The following NCKAP5 variants were observed in gnomAD, a reference collection of about 807,000 sequenced individuals.
NCKAP5 encodes the protein nck-associated protein 5.
A neutral mutation model predicts 167.0 loss-of-function variants in NCKAP5; 92 were observed. The observed-to-expected ratio is 0.55, with a 90% CI of 0.47 to 0.66. The LOEUF is 0.66. Among genes scored for constraint, NCKAP5 ranks in the 30% least tolerant of loss-of-function variants. NCKAP5 has a pLI of 0.00. For synonymous variants in NCKAP5, 891 were observed against 877.4 expected (o/e 1.02, Z -0.27); for missense variants, 2,378 against 2,315.0 (o/e 1.03, Z -0.56).
chr2:132,731,644 A>C (rs1691016135), intron 17 of NCKAP5, 93 bp downstream of exon 17: 3 of 1,328,860 alleles, frequency 2.3e-6, no homozygotes, highest in Non-Finnish European at 3.1e-6. Context: ...CATTTTTATC[A>C]GGCAGGTCAC....
chr2:133,303,089 A>T lies in NCKAP5; in HGVS notation c.91T>A (p.Tyr31Asn), dbSNP rs1177174622. 6.3e-7 allele frequency: 1 copy of T among 1,592,472 alleles called. No individual in the cohort carries two copies. The highest frequency in any genetic ancestry group is 1.8e-5 in the Admixed American group (1 of 56,892). Residue 31 changes from tyrosine (Y) to asparagine (N), a missense_variant, in exon 4 of 20, where the codon TAC becomes AAC. Around this residue, in one of 3 missense-constraint regions of NCKAP5, gnomAD observed 1,049 missense variants for 1,023.4 expected, o/e 1.02. Transcript: ENST00000409261. ...AGCTGAGTCAGCAGATGCTCAATGT[A>T]TTTATTGGAGTCCATGTATTCCTGC... ...SLVEYMDSNK[Y>N]IEHLLTQLEE...
chr2:133,575,422 T>TTGAC, the NCKAP5 span, among the ~76,000 whole-genome samples: 1 of 152,240 alleles, frequency 6.6e-6, no homozygotes, highest in Non-Finnish European at 1.5e-5. Flanking sequence ...ACTTATTATT[T>TTGAC]TGACTGATTA....
At chr2:133,056,913 G>A (rs991186478) in intron 6 of NCKAP5, among the ~76,000 whole-genome samples, 1 of 152,088 alleles carries the variant, frequency 6.6e-6, no homozygotes, top group Non-Finnish European at 1.5e-5. Flanking sequence ...ACAAATCAAT[G>A]GTTTGTGGCA....
At chr2:133,060,138 G>C (rs2079948486) in intron 6 of NCKAP5, among the ~76,000 whole-genome samples, 1 of 152,156 alleles carries the variant, frequency 6.6e-6, no homozygotes, top group South Asian at 2.1e-4. Context: ...GTGGGACTAG[G>C]AAAATCATCT....
intron 3 of NCKAP5, among the ~76,000 whole-genome samples, chr2:133,400,660 T>C (rs1688040187): frequency 6.6e-6 from 1 of 152,288 alleles, no homozygotes; most frequent in East Asian, 1.9e-4. Flanking sequence ...TGGCCTCCAG[T>C]GCAGTGAGAA....
In NCKAP5 at chr2:133,242,442, C is replaced by A. The variant is rs188281005; in HGVS notation, c.144-28663G>T. ...GTTTCAGAATTTCTAAGCAGGCTTC[C>A]AAGAAACAATCTGATTGGAAGCAGA... On this transcript the variant is annotated intron_variant, in intron 4 of 19. Coordinates refer to ENST00000409261, the MANE Select transcript of NCKAP5 (RefSeq NM_207363.3). Among the ~76,000 whole-genome samples the A allele has an allele frequency of 4.0e-4, 61 of 152,196 alleles. No homozygotes were observed. The East Asian group carries it at 9.9e-3, about 25-fold the overall frequency.
At chr2:133,349,323 A>T (rs1166474352) in intron 3 of NCKAP5, among the ~76,000 whole-genome samples, 2 of 152,158 alleles carry the variant, frequency 1.3e-5, no homozygotes, top group Non-Finnish European at 2.9e-5. Flanking sequence ...AAAACTGCAC[A>T]TTAGAAAAGG....
chr2:132,938,571 G>A (rs1697030067), intron 8 of NCKAP5, among the ~76,000 whole-genome samples: 1 of 152,128 alleles, frequency 6.6e-6, no homozygotes, highest in African/African-American at 2.4e-5. Flanking sequence ...AGACTGCCTG[G>A]TTAAAGTCTT....
At chr2:132,729,041 A>G in intron 17 of NCKAP5, 89 bp from the exon 18 acceptor site, 1 of 1,546,806 alleles carries the variant, frequency 6.5e-7, no homozygotes, top group Non-Finnish European at 8.8e-7. Flanking sequence ...ACATTCAGAA[A>G]TAATAAAAAA....
At chr2:133,082,544 T>C (rs895550800) in intron 6 of NCKAP5, among the ~76,000 whole-genome samples, 1 of 152,172 alleles carries the variant, frequency 6.6e-6, no homozygotes, top group African/African-American at 2.4e-5. Context: ...ACCTCCTTCC[T>C]GTTTCCTTGG....
intron 4 of NCKAP5, among the ~76,000 whole-genome samples, chr2:133,238,100 C>G (rs1394795162): frequency 6.6e-6 from 1 of 152,170 alleles, no homozygotes; most frequent in African/African-American, 2.4e-5. Flanking sequence ...GAGGTTAACT[C>G]ACTTAGTCAA....
At chr2:133,629,830 G>A in the NCKAP5 span, among the ~76,000 whole-genome samples, 1 of 152,192 alleles carries the variant, frequency 6.6e-6, no homozygotes, top group Admixed American at 6.5e-5. Flanking sequence ...CCTTTGCAGG[G>A]ACATGGATGG....
chr2:132,708,332 C>T (rs1216163347), intron 19 of NCKAP5, among the ~76,000 whole-genome samples: 4 of 152,064 alleles, frequency 2.6e-5, no homozygotes, highest in East Asian at 1.9e-4. Context: ...GAGCCAACTG[C>T]GCTCGAGTCC....
chr2:133,033,430 C>A (rs183809000), intron 6 of NCKAP5, among the ~76,000 whole-genome samples: 1 of 152,220 alleles, frequency 6.6e-6, no homozygotes, highest in Non-Finnish European at 1.5e-5. Flanking sequence ...GAATGAATAC[C>A]TAACTCTTCA....
At chr2:133,602,189 C>A in the NCKAP5 span, among the ~76,000 whole-genome samples, 1 of 152,136 alleles carries the variant, frequency 6.6e-6, no homozygotes, top group African/African-American at 2.4e-5. Context: ...GATCAGAAAA[C>A]TTCCAAGTGT....
chr2:133,260,661 T>G (rs16822719), intron 4 of NCKAP5, among the ~76,000 whole-genome samples: 7,567 of 152,318 alleles, frequency 0.05, 271 homozygotes, highest in South Asian at 0.099. Flanking sequence ...CAGCTGAATT[T>G]GGACGCCTGT....
At chr2:132,903,833 G>A (rs1409757135) in intron 8 of NCKAP5, among the ~76,000 whole-genome samples, 3 of 152,180 alleles carry the variant, frequency 2.0e-5, no homozygotes, top group Non-Finnish European at 4.4e-5. Flanking sequence ...TATGATGAAA[G>A]CAAATATTGT....
intron 6 of NCKAP5, among the ~76,000 whole-genome samples, chr2:133,005,981 G>A (rs747723126): frequency 3.9e-5 from 6 of 152,164 alleles, no homozygotes; most frequent in African/African-American, 7.2e-5. Flanking sequence ...TCTTGGCTGG[G>A]CATGGTGGCT....
intron 3 of NCKAP5, among the ~76,000 whole-genome samples, chr2:133,395,157 G>T (rs1484833023): frequency 6.6e-6 from 1 of 152,140 alleles, no homozygotes; most frequent in Non-Finnish European, 1.5e-5. Context: ...TTTCTAAAAG[G>T]TTAGTGAGGG....
Sources: gnomAD v4.1 joint callset for allele counts (sites outside exome capture counted in the v4.1 genomes callset) on GRCh38, gnomAD v4.1.1 for gene constraint, gnomAD v4.1.1 regional missense constraint, MANE v1.5 for transcripts, NCBI Gene and HGNC (gene_info 2026-07-23, HGNC 2026-07-21) for gene names.